Variants in UBR4 observed in about 807,000 individuals in gnomAD.
The protein encoded by UBR4 is ubiquitin protein ligase E3 component n-recognin 4, also known as E3 ubiquitin-protein ligase UBR4.
A neutral mutation model predicts 575.6 loss-of-function variants in UBR4; 124 were observed. The ratio of observed to expected loss-of-function variants is 0.22; its 90% CI spans 0.19 to 0.25. The LOEUF (loss-of-function observed/expected upper bound fraction) is 0.25, where lower values mean the gene tolerates loss of function less well. UBR4 is among the 10% of genes least tolerant of loss of function. The probability of loss-of-function intolerance (pLI) is 1.00; values close to 1 mark genes in which losing one functional copy is unlikely to be tolerated. For missense variants in UBR4, 4,818 were observed against 6,478.8 expected (o/e 0.74, Z 8.80); for synonymous variants, 2,455 against 2,473.7 (o/e 0.99, Z 0.22).
intron 92 of UBR4, among the ~76,000 whole-genome samples, chr1:19,096,149 T>C (rs1274660350): frequency 6.6e-6 from 1 of 152,160 alleles, no homozygotes; most frequent in South Asian, 2.1e-4. Flanking sequence ...TGGAATGCTC[T>C]AATCCTCACT....
At chr1:19,176,279 A>G (rs1377544327) in intron 20 of UBR4, among the ~76,000 whole-genome samples, 1 of 151,640 alleles carries the variant, frequency 6.6e-6, no homozygotes, top group African/African-American at 2.4e-5. Flanking sequence ...TTTTCAGTAG[A>G]GATGGGGTTT....
Position 19,148,571 on chromosome 1 carries a change from T to C in UBR4, c.7486A>G (p.Ile2496Val), listed in dbSNP as rs201436464. The change falls in exon 50 of 106, where the codon ATC (isoleucine) becomes GTC (valine). Residue 2496 changes from isoleucine (I) to valine (V), a missense_variant. Around this residue, in one of 29 missense-constraint regions of UBR4, gnomAD observed 340 missense variants for 375.4 expected, o/e 0.91. Coordinates refer to ENST00000375254, the MANE Select transcript of UBR4 (RefSeq NM_020765.3). Reference protein sequence around the residue: ...LESCFAVGPIIEKERNKNAAQ... With the variant: ...LESCFAVGPIVEKERNKNAAQ... ...TTGAAAAAGTGACTTGCCTTCTCGA[T>C]GATTGGGCCAACGGCAAAGCAGCTT... is the stretch of plus-strand genomic sequence containing the variant. The C allele has an allele frequency of 1.2e-6, 2 of 1,614,130 alleles. No homozygotes were observed. The highest frequency in any genetic ancestry group is 1.7e-6 in the Non-Finnish European group (2 of 1,180,032).
At chr1:19,080,016 C>T (rs2076330321) in intron 103 of UBR4, 1 of 152,200 alleles carries the variant, frequency 6.6e-6, no homozygotes, top group African/African-American at 2.4e-5. Context: ...TGCTAGTCTC[C>T]TAAGTGAGAG....
At chr1:19,167,372 T>C (rs1162814349) in intron 28 of UBR4, 141 bp from the exon 29 acceptor site, 4 of 753,432 alleles carry the variant, frequency 5.3e-6, no homozygotes, top group African/African-American at 1.7e-5. Context: ...CTTTTTCCCA[T>C]GATAGCTATT....
chr1:19,076,805 G>A lies in UBR4; in HGVS notation c.15422C>T (p.Ala5141Val), dbSNP rs1481913987. The A allele has an allele frequency of 1.2e-6, 2 of 1,613,724 alleles. No homozygotes were observed. The highest frequency in any genetic ancestry group is 3.3e-5 in the Admixed American group (2 of 59,896). ...GAACTCCTCCTGGAAGGTTTTCAGG[G>A]CTTTGTCGGCAGCTTCGTAGATGGG... is the stretch of plus-strand genomic sequence containing the variant. ...DMPIYEAADK[A>V]LKTFQEEFMP... Residue 5141 changes from alanine to valine, a missense_variant, in exon 105 of 106, where the codon GCC (alanine) becomes GTC (valine). By Grantham distance (64) the Ala-to-Val change is moderately conservative. This residue lies in a region of UBR4 where 212 missense variants were observed against 221.3 expected (regional missense o/e 0.96). Transcript: ENST00000375254.
At chr1:19,116,635 G>A (rs867014057) in intron 73 of UBR4, among the ~76,000 whole-genome samples, 10 of 152,190 alleles carry the variant, frequency 6.6e-5, no homozygotes, top group Non-Finnish European at 1.0e-4. Context: ...AAAAAAAGGC[G>A]ATCTGTCTCT....
intron 69 of UBR4, 60 bp downstream of exon 69, chr1:19,120,120 T>G: frequency 6.3e-7 from 1 of 1,575,552 alleles, no homozygotes; most frequent in Middle Eastern, 1.8e-4. Flanking sequence ...AAAATAGAAC[T>G]GCATTACGCA....
Position 19,106,560 on chromosome 1 carries a change from G to A in UBR4, c.12393+9C>T, listed in dbSNP as rs774319108. 8 of 1,552,482 alleles carry A rather than the reference G, an allele frequency of 5.2e-6. No homozygotes were observed. In the East Asian group the frequency reaches 1.3e-4, roughly 26 times the overall value. On this transcript the variant is annotated intron_variant, in intron 83 of 105. Coordinates refer to ENST00000375254, the MANE Select transcript of UBR4 (RefSeq NM_020765.3). ...GCAGGGGGTGAAGAGTCCAGAAGTG[G>A]CCACTCACTTGTCGCAGCCAGTTGT...
rs1302149999 is a variant in UBR4 at position 19,117,086 on chromosome 1, C to T, written c.10823+135G>A. 3.2e-6 allele frequency: 3 copies of T among 932,200 alleles called. No homozygotes were observed. The highest frequency in any genetic ancestry group is 2.5e-5 in the Admixed American group (1 of 39,750). The allele number at this position is 932,200 out of a possible 1,614,324, so 57.7% of individuals were successfully genotyped here. A position where few individuals can be genotyped will look rare whatever the true frequency, so the allele number is the denominator to read the frequency against. On this transcript the variant is annotated intron_variant, in intron 73 of 105. Coordinates refer to ENST00000375254, the MANE Select transcript of UBR4 (RefSeq NM_020765.3). This position sits in a 1 kb window ranked among gnomAD's most constrained non-coding sequence, Gnocchi z 4.0. ...TGTTGTTTCACTTTTGTCCTTTGGT[C>T]ATGAATGGAGGGGCCAAGAGGATGT...
At chr1:19,201,408 A>G (rs1195510050) in intron 2 of UBR4, among the ~76,000 whole-genome samples, 2 of 149,614 alleles carry the variant, frequency 1.3e-5, no homozygotes, top group Non-Finnish European at 3.0e-5. Flanking sequence ...CCCCCAGGGA[A>G]ATTAACACAC....
At position 19,144,861 on chromosome 1, in the gene UBR4, G is replaced by A. The variant is rs1293695800; in HGVS notation, c.7992C>T (p.Ile2664=). 2 of 1,614,118 alleles carry A rather than the reference G, an allele frequency of 1.2e-6. No homozygotes were observed. Among genetic ancestry groups the A allele is most frequent in the Admixed American group, 1.7e-5 (1 of 60,002 alleles). Residue 2664 remains isoleucine (I), a synonymous_variant, in exon 54 of 106, where the codon ATC becomes ATT. Coordinates refer to ENST00000375254, the MANE Select transcript of UBR4 (RefSeq NM_020765.3). ...EATVNALVDI[I]HGYCTCELDC... ...CCAGCTCACAGGTACAGTAGCCATG[G>A]ATGATGTCCACCAGAGCATTGACAG...
intron 55 of UBR4, among the ~76,000 whole-genome samples, chr1:19,142,300 C>T (rs1390107350): frequency 2.0e-5 from 3 of 152,232 alleles, no homozygotes; most frequent in African/African-American, 4.8e-5. Context: ...AAGGACACCA[C>T]TGCAGGTCCT....
At position 19,151,731 on chromosome 1, in the gene UBR4, C is replaced by T. The variant is rs1400279770; in HGVS notation, c.7125G>A (p.Met2375Ile). The T allele has an allele frequency of 1.2e-6, 2 of 1,614,182 alleles. No individual in the cohort carries two copies. Among genetic ancestry groups the T allele is most frequent in the South Asian group, 2.2e-5 (2 of 91,080 alleles). The change falls in exon 48 of 106, where the codon ATG (methionine) becomes ATA (isoleucine). Residue 2375 changes from methionine (M) to isoleucine (I), a missense_variant. Transcript: ENST00000375254. ...AGCGTGAGCGACTCAGGTTGAGCTG[C>T]ATAGTTCTGCCGAAGATCTCGATAT... is the stretch of plus-strand genomic sequence containing the variant. The part of the protein sequence containing the change: ...PSYIEIFGRT[M>I]QLNLSRSRWF...
rs528583878 is a variant in UBR4 at position 19,100,342 on chromosome 1, G to A, written c.13221+34C>T. ...TTAGCCTAGGAGGAAGCCCCTAATC[G>A]TAAACGTGGGCAGCACTGTCCTATG... On this transcript the variant is annotated intron_variant, in intron 89 of 105. Transcript: ENST00000375254. The surrounding 1 kb of genome is among the most constrained non-coding windows in gnomAD (Gnocchi z 4.2). 6.8e-6 allele frequency: 11 copies of A among 1,611,408 alleles called. No individual in the cohort carries two copies. The highest frequency in any genetic ancestry group is 2.2e-5 in the South Asian group (2 of 90,990).
At position 19,110,292 on chromosome 1, in the gene UBR4, A is replaced by C. The variant is rs2079696258; in HGVS notation, c.11978-69T>G. 1 of 1,612,968 alleles carries C rather than the reference A, an allele frequency of 6.2e-7. No individual in the cohort carries two copies. The highest frequency in any genetic ancestry group is 1.1e-5 in the South Asian group (1 of 91,038). On this transcript the variant is annotated intron_variant, in intron 80 of 105. Coordinates refer to ENST00000375254, the MANE Select transcript of UBR4 (RefSeq NM_020765.3). This position sits in a 1 kb window ranked among gnomAD's most constrained non-coding sequence, Gnocchi z 4.5. ...CACATCTGCTCTGCAGAGGCCGCCC[A>C]AGCATCAGTTTCCCTCCTCCCCTCC... is the stretch of plus-strand genomic sequence containing the variant.
At chr1:19,108,446 A>C (rs2079475153) in intron 81 of UBR4, among the ~76,000 whole-genome samples, 1 of 152,110 alleles carries the variant, frequency 6.6e-6, no homozygotes, top group Non-Finnish European at 1.5e-5. Context: ...TGCATCTCAC[A>C]CAAGTGCCTT....
At chr1:19,163,335 C>T (rs916609799) in intron 34 of UBR4, among the ~76,000 whole-genome samples, 1 of 152,320 alleles carries the variant, frequency 6.6e-6, no homozygotes, top group East Asian at 1.9e-4. Flanking sequence ...TTTCAAACCG[C>T]TTTTCTTACC....
At position 19,210,249 on chromosome 1, in the gene UBR4, C is replaced by T. The variant is rs2093254284; in HGVS notation, c.-1G>A. The stretch of plus-strand genomic sequence containing the variant: ...CCTCTTCGCCGCCGCTCGTCGCCAT[C>T]TTCCGTCGTACTACTGCGGCTCCCT... On this transcript the variant is annotated 5_prime_UTR_variant, in exon 1 of 106. Coordinates refer to ENST00000375254, the MANE Select transcript of UBR4 (RefSeq NM_020765.3). 1.4e-6 allele frequency: 2 copies of T among 1,448,012 alleles called. No individual in the cohort carries two copies. The highest frequency in any genetic ancestry group is 2.8e-5 in the Admixed American group (1 of 36,102). The allele number at this position is 1,448,012 out of a possible 1,614,324, so 89.7% of individuals were successfully genotyped here.
chr1:19,095,146 G>C (rs977323787), intron 93 of UBR4, 121 bp from the exon 94 acceptor site: 4 of 1,435,314 alleles, frequency 2.8e-6, no homozygotes, highest in Non-Finnish European at 2.9e-6. Context: ...GTGTATGACC[G>C]TGTGTATGTA....
Sources: allele counts gnomAD v4.1 joint callset (sites outside exome capture counted in the v4.1 genomes callset), GRCh38; gene constraint gnomAD v4.1.1; regional missense constraint gnomAD v4.1.1; non-coding constraint Gnocchi (gnomAD v3.1); transcripts MANE v1.5; gene names NCBI Gene and HGNC (gene_info 2026-07-23, HGNC 2026-07-21).